The following PCDH7 variants were observed in gnomAD, a reference collection of about 807,000 sequenced individuals.
PCDH7 encodes protocadherin 7.
PCDH7 carries 17 observed loss-of-function variants against 58.9 expected under a neutral mutation model. The ratio of observed to expected loss-of-function variants is 0.29; its 90% confidence interval spans 0.20 to 0.43. The LOEUF (loss-of-function observed/expected upper bound fraction) is 0.43, where lower values mean the gene tolerates loss of function less well. Among genes scored for constraint, PCDH7 ranks in the 20% least tolerant of loss-of-function variants. The pLI is 1.00. For synonymous variants in PCDH7, 664 were observed against 616.4 expected (o/e 1.08, Z -1.14); for missense variants, 1,274 against 1,441.0 (o/e 0.88, Z 1.88).
intron 1 of PCDH7, among the ~76,000 whole-genome samples, chr4:30,756,139 C>T (rs1719272602): frequency 6.6e-6 from 1 of 152,058 alleles, no homozygotes; most frequent in Non-Finnish European, 1.5e-5. Flanking sequence ...GAAACATGCA[C>T]CTGTGAGGAG....
chr4:30,951,281 T>C (rs935272212), intron 3 of PCDH7, among the ~76,000 whole-genome samples: 23 of 152,180 alleles, frequency 1.5e-4, no homozygotes, highest in African/African-American at 5.3e-4. Context: ...TAAAAGATCA[T>C]ATTCCATTTT....
chr4:30,734,947 TG>T (rs1716040618), downstream of PCDH7, among the ~76,000 whole-genome samples: 2 of 152,262 alleles, frequency 1.3e-5, no homozygotes, highest in South Asian at 4.1e-4. Flanking sequence ...CCGGAGTCCC[TG>T]CCTTCCTTGT....
intron 3 of PCDH7, among the ~76,000 whole-genome samples, chr4:30,995,325 A>T (rs766367941): frequency 6.6e-6 from 1 of 152,072 alleles, no homozygotes; most frequent in South Asian, 2.1e-4. Flanking sequence ...ATCCTGGCTA[A>T]CACGGTGAAA....
At chr4:30,775,908 A>G (rs942545814) in intron 1 of PCDH7, among the ~76,000 whole-genome samples, 1 of 152,100 alleles carries the variant, frequency 6.6e-6, no homozygotes, top group African/African-American at 2.4e-5. Flanking sequence ...AAAAAAAAAG[A>G]TATGAGTTAT....
intron 3 of PCDH7, among the ~76,000 whole-genome samples, chr4:31,068,636 T>C (rs532233844): frequency 6.6e-6 from 1 of 152,096 alleles, no homozygotes; most frequent in Non-Finnish European, 1.5e-5. Context: ...AATGAAGCAG[T>C]GACCTACCCG....
At chr4:31,076,682 ATAGT>A (rs1465360731) in intron 3 of PCDH7, among the ~76,000 whole-genome samples, 1 of 152,210 alleles carries the variant, frequency 6.6e-6, no homozygotes, top group African/African-American at 2.4e-5. Context: ...GCATCTCAAC[ATAGT>A]TAGTAATATT....
chr4:30,721,314 T>A lies in PCDH7; in HGVS notation c.-109T>A. 8.8e-7 allele frequency: 1 copy of A among 1,135,302 alleles called. No homozygotes were observed. The highest frequency in any genetic ancestry group is 1.2e-6 in the Non-Finnish European group (1 of 835,852). 70.3% of individuals were successfully genotyped at this position (1,135,302 alleles called of 1,614,324 possible). On this transcript the variant is annotated 5_prime_UTR_variant, in exon 1 of 2. Transcript: ENST00000361762. This position sits in a 1 kb window ranked among gnomAD's most constrained non-coding sequence, Gnocchi z 6.7. ...CTCCCCTCCCTCTCGCTCCTTCCTT[T>A]CCGGGAGAGGGGAGAGGACTCGGGG...
chr4:30,955,988 T>C (rs1747821760), intron 3 of PCDH7, among the ~76,000 whole-genome samples: 1 of 148,476 alleles, frequency 6.7e-6, no homozygotes, highest in Admixed American at 6.7e-5. Context: ...ATCGAGACCA[T>C]CCTGGCTAAC....
intron 1 of PCDH7, among the ~76,000 whole-genome samples, chr4:30,889,681 A>G (rs781355968): frequency 2.6e-5 from 4 of 152,152 alleles, no homozygotes; most frequent in Non-Finnish European, 5.9e-5. Flanking sequence ...TTCTTCATAG[A>G]TCTTGCTTTC....
rs545048605 is a variant in PCDH7, at chr4:31,049,830, A to G, written c.*8-92643A>G. Among the ~76,000 whole-genome samples the G allele has an allele frequency of 2.6e-5, 4 of 152,210 alleles. No homozygotes were observed. The South Asian group carries it at 6.2e-4, about 24-fold the overall frequency. ...TCACGTGGACATATTTGAACCAATC[A>G]TTTTCATGAAAGATAATATATTCTG... is the stretch of plus-strand genomic sequence containing the variant. On this transcript the variant is annotated intron_variant, in intron 3 of 3. Transcript: ENST00000509759.
chr4:30,862,134 G>C (rs1045853871), intron 1 of PCDH7, among the ~76,000 whole-genome samples: 1 of 152,054 alleles, frequency 6.6e-6, no homozygotes, highest in East Asian at 1.9e-4. Flanking sequence ...TCTGGTTCTT[G>C]GTCTTCCAGC....
chr4:30,987,004 C>A (rs1191723433), intron 3 of PCDH7, among the ~76,000 whole-genome samples: 1 of 151,946 alleles, frequency 6.6e-6, no homozygotes, highest in Non-Finnish European at 1.5e-5. Context: ...AAGATAGTAT[C>A]TTTATCTTTG....
chr4:30,793,434 G>A (rs1477631154), intron 1 of PCDH7, among the ~76,000 whole-genome samples: 17 of 152,034 alleles, frequency 1.1e-4, no homozygotes, highest in Non-Finnish European at 1.5e-5. Flanking sequence ...TCTATTTCAT[G>A]CAATTTATTT....
At chr4:30,933,485 G>T (rs1473735222) in intron 2 of PCDH7, among the ~76,000 whole-genome samples, 1 of 152,074 alleles carries the variant, frequency 6.6e-6, no homozygotes, top group East Asian at 1.9e-4. Flanking sequence ...TACGCTTGTT[G>T]TTATTGTTTG....
intron 1 of PCDH7, among the ~76,000 whole-genome samples, chr4:30,916,168 A>G (rs1419257332): frequency 1.3e-5 from 2 of 152,172 alleles, no homozygotes; most frequent in Admixed American, 6.5e-5. Context: ...CCAATCAGCT[A>G]CATGGGCTTT....
chr4:30,962,494 G>C (rs1426442838), intron 3 of PCDH7, among the ~76,000 whole-genome samples: 3 of 152,048 alleles, frequency 2.0e-5, no homozygotes, highest in Non-Finnish European at 2.9e-5. Flanking sequence ...TTAGTTAAAA[G>C]TGTAATTCTA....
At chr4:30,987,424 C>T (rs938246883) in intron 3 of PCDH7, among the ~76,000 whole-genome samples, 2 of 152,142 alleles carry the variant, frequency 1.3e-5, no homozygotes, top group African/African-American at 4.8e-5. Context: ...GCTCCATGAA[C>T]CTCATTTAAT....
At chr4:31,103,951 T>A (rs1288560492) in intron 3 of PCDH7, among the ~76,000 whole-genome samples, 1 of 152,194 alleles carries the variant, frequency 6.6e-6, no homozygotes, top group Non-Finnish European at 1.5e-5. Context: ...AAATACGTGA[T>A]ACGGTTTCAT....
intron 3 of PCDH7, among the ~76,000 whole-genome samples, chr4:30,969,199 C>T (rs957186739): frequency 1.3e-5 from 2 of 152,056 alleles, no homozygotes; most frequent in Non-Finnish European, 2.9e-5. Context: ...ATGCCCTTGC[C>T]GTACCAGCTA....
Sources: allele counts gnomAD v4.1 joint callset (sites outside exome capture counted in the v4.1 genomes callset), GRCh38; gene constraint gnomAD v4.1.1; non-coding constraint Gnocchi (gnomAD v3.1); transcripts MANE v1.5; gene names NCBI Gene and HGNC (gene_info 2026-07-23, HGNC 2026-07-21).